The following VARS2 variants were observed in gnomAD, a reference collection of about 807,000 sequenced individuals.
The protein encoded by VARS2 is valine--tRNA ligase, mitochondrial.
Under a neutral mutation model 154.1 loss-of-function variants are expected in VARS2, and 105 were observed. The ratio of observed to expected loss-of-function variants is 0.68; its 90% CI spans 0.58 to 0.80. The LOEUF is 0.80. Ranked by LOEUF, VARS2 falls within the 30% of genes least tolerant of loss-of-function variation. The pLI is 0.00. For synonymous variants in VARS2, 483 were observed against 539.5 expected (o/e 0.90, Z 1.45); for missense variants, 1,157 against 1,361.4 (o/e 0.85, Z 2.36).
rs576203669 is a variant in VARS2, at chr6:30,920,254, C to T, written c.1293+38C>T. On this transcript the variant is annotated intron_variant, in intron 13 of 29. Transcript: ENST00000676266. This position sits in a 1 kb window ranked among gnomAD's most constrained non-coding sequence, Gnocchi z 4.6. ...TATGTTACCCCATCCTTTGGGGGCT[C>T]TCTGTCCCCCTAATCCTCCTCCTAG... 6.4e-7 allele frequency: 1 copy of T among 1,560,778 alleles called. No individual in the cohort carries two copies. The highest frequency in any genetic ancestry group is 8.7e-7 in the Non-Finnish European group (1 of 1,153,674).
At position 30,921,487 on chromosome 6, in the gene VARS2, A is replaced by T; in HGVS notation, c.1633-102A>T. The T allele has an allele frequency of 6.9e-7, 1 of 1,456,122 alleles. No individual in the cohort carries two copies. Among genetic ancestry groups the T allele is most frequent in the South Asian group, 1.2e-5 (1 of 82,248 alleles). The allele number at this position is 1,456,122 out of a possible 1,614,324, so 90.2% of individuals were successfully genotyped here. On this transcript the variant is annotated intron_variant, in intron 17 of 29. Coordinates refer to ENST00000676266, the MANE Select transcript of VARS2 (RefSeq NM_020442.6). This position sits in a 1 kb window ranked among gnomAD's most constrained non-coding sequence, Gnocchi z 4.6. ...ATTTCTTTATCTCACCCCTGGGGGA[A>T]CCTGGCCACTCTAAGACCACATGAG...
At position 30,920,270 on chromosome 6, in the gene VARS2, C is replaced by T; in HGVS notation, c.1293+54C>T. 6.4e-7 allele frequency: 1 copy of T among 1,567,600 alleles called. No homozygotes were observed. The highest frequency in any genetic ancestry group is 1.2e-5 in the South Asian group (1 of 82,638). Reference sequence around the variant, plus strand: ...TTGGGGGCTCTCTGTCCCCCTAATCCTCCTCCTAGTTTCTTATTTCTCTAG... The same window carrying T: ...TTGGGGGCTCTCTGTCCCCCTAATCTTCCTCCTAGTTTCTTATTTCTCTAG... On this transcript the variant is annotated intron_variant, in intron 13 of 29. Transcript: ENST00000676266. The surrounding 1 kb of genome is among the most constrained non-coding windows in gnomAD (Gnocchi z 4.6).
At chr6:30,915,589 C>T (rs1013269370) in intron 4 of VARS2, 134 bp downstream of exon 4, 26 of 1,444,690 alleles carry the variant, frequency 1.8e-5, no homozygotes, top group Non-Finnish European at 2.0e-5. Context: ...AAAGATTTCT[C>T]TTGGCAGGTT....
In VARS2 at chr6:30,922,700, C is replaced by T. The variant is rs1419590500; in HGVS notation, c.2038-6C>T. 1.2e-6 allele frequency: 2 copies of T among 1,611,752 alleles called. No individual in the cohort carries two copies. The highest frequency in any genetic ancestry group is 2.2e-5 in the East Asian group (1 of 44,886). ...TGGGTCGTGAATTGCCCCCTTCCAT[C>T]CCCAGGTGCTGCAGGAAAAGCTGAG... On this transcript the variant is annotated splice_polypyrimidine_tract_variant and splice_region_variant and intron_variant, in intron 21 of 29. Coordinates refer to ENST00000676266, the MANE Select transcript of VARS2 (RefSeq NM_020442.6).
rs1015428201 is a variant in VARS2, at chr6:30,916,361, C to A, written c.671+112C>A. The A allele has an allele frequency of 1.9e-4, 175 of 915,328 alleles. No individual in the cohort carries two copies. The highest frequency in any genetic ancestry group is 3.5e-4 in the Admixed American group (12 of 34,028). 56.7% of individuals were successfully genotyped at this position (915,328 alleles called of 1,614,324 possible). ...TTGGCTCTTCCCGACACAGCTCTGA[C>A]TTCCTCAGAGATGGAAGCTCTGGAG... On this transcript the variant is annotated intron_variant, in intron 7 of 29. Coordinates refer to ENST00000676266, the MANE Select transcript of VARS2 (RefSeq NM_020442.6). The surrounding 1 kb of genome is among the most constrained non-coding windows in gnomAD (Gnocchi z 4.0).
In VARS2 at chr6:30,922,885, C is replaced by T. The variant is rs540390854; in HGVS notation, c.2107-13C>T. The T allele has an allele frequency of 6.1e-5, 97 of 1,595,910 alleles. No homozygotes were observed. In the African/African-American group the frequency reaches 1.3e-3, roughly 21 times the overall value. On this transcript the variant is annotated splice_polypyrimidine_tract_variant and intron_variant, in intron 22 of 29. Coordinates refer to ENST00000676266, the MANE Select transcript of VARS2 (RefSeq NM_020442.6). ...AAAGGCATCTGCCACCCTTCTTCTT[C>T]CTCTGGTTGCAGAAAAAGGACTTTC...
intron 25 of VARS2, 103 bp downstream of exon 25, chr6:30,923,608 C>G (rs1794672539): frequency 1.3e-6 from 2 of 1,491,466 alleles, no homozygotes; most frequent in Non-Finnish European, 1.8e-6. Context: ...CCCAATTGTC[C>G]CCTCAGTTAG....
chr6:30,917,193 G>A lies in VARS2; in HGVS notation c.842G>A (p.Cys281Tyr), dbSNP rs772249772. 3.7e-6 allele frequency: 6 copies of A among 1,614,082 alleles called. No homozygotes were observed. The Admixed American group carries it at 8.3e-5, about 22-fold the overall frequency. Residue 281 changes from cysteine to tyrosine, a missense_variant, in exon 9 of 30, where the codon TGT becomes TAT. Physicochemically the swap from Cys to Tyr is radical, Grantham distance 194. Coordinates refer to ENST00000676266, the MANE Select transcript of VARS2 (RefSeq NM_020442.6). This position sits in a 1 kb window ranked among gnomAD's most constrained non-coding sequence, Gnocchi z 4.4. Reference sequence around the variant, plus strand: ...AACCATCAGCTTGTCAACTGGTCATGTGCTTTAAGATCAGCCATCTCGGAC... The same window carrying A: ...AACCATCAGCTTGTCAACTGGTCATATGCTTTAAGATCAGCCATCTCGGAC... ...YRNHQLVNWS[C>Y]ALRSAISDIE...
Position 30,924,577 on chromosome 6 carries a change from T to G in VARS2, c.2673+17T>G. 6.9e-7 allele frequency: 1 copy of G among 1,448,184 alleles called. No individual in the cohort carries two copies. The highest frequency in any genetic ancestry group is 9.3e-7 in the Non-Finnish European group (1 of 1,070,926). 89.7% of individuals were successfully genotyped at this position (1,448,184 alleles called of 1,614,324 possible). On this transcript the variant is annotated intron_variant, in intron 26 of 29. Transcript: ENST00000676266. ...TGCAGCTTGGTGAGTCCCAAGCACC[T>G]TGGAGTGGGTCTGTGGGTGAATGGG... is the stretch of plus-strand genomic sequence containing the variant.
chr6:30,922,088 G>A (rs1242574593), intron 19 of VARS2, 28 bp from the exon 20 acceptor site: 2 of 1,612,416 alleles, frequency 1.2e-6, no homozygotes, highest in Non-Finnish European at 1.7e-6. Context: ...CTGGGGCCTG[G>A]GCCTCTTACT....
At chr6:30,922,673 C>G in intron 21 of VARS2, 33 bp from the exon 22 acceptor site, 1 of 1,603,694 alleles carries the variant, frequency 6.2e-7, no homozygotes, top group Non-Finnish European at 8.5e-7. Context: ...GGGCCTTCGA[C>G]CTGGGTCGTG....
In VARS2 at chr6:30,922,792, G is replaced by A. The variant is rs753726; in HGVS notation, c.2106+18G>A. On this transcript the variant is annotated intron_variant, in intron 22 of 29. Coordinates refer to ENST00000676266, the MANE Select transcript of VARS2 (RefSeq NM_020442.6). ...CAGCACAGGTGAGTCATCGCTGCCTGCCCCCCACCAGCTCTAGCTCACCAC... is the reference window on the plus strand; with the variant it reads ...CAGCACAGGTGAGTCATCGCTGCCTACCCCCCACCAGCTCTAGCTCACCAC... 3.8e-5 allele frequency: 61 copies of A among 1,598,362 alleles called. No individual in the cohort carries two copies. The highest frequency in any genetic ancestry group is 1.7e-4 in the Middle Eastern group (1 of 6,042).
chr6:30,925,898 A>C lies in VARS2; in HGVS notation c.2980A>C (p.Ile994Leu). The C allele has an allele frequency of 6.2e-7, 1 of 1,612,950 alleles. No homozygotes were observed. The highest frequency in any genetic ancestry group is 8.5e-7 in the Non-Finnish European group (1 of 1,180,032). ...MELQGLVDPQ[I>L]QLPLLAARRY... ...TCCCCAGGGCCTGGTGGACCCGCAG[A>C]TCCAGCTACCTCTGTTAGCCGCCCG... The change falls in exon 29 of 30, where the codon ATC (isoleucine) becomes CTC (leucine). Residue 994 changes from isoleucine (I) to leucine (L), a missense_variant. Physicochemically the swap from Ile to Leu is conservative, Grantham distance 5. Transcript: ENST00000676266.
At position 30,915,181 on chromosome 6, in the gene VARS2, G is replaced by A. The variant is rs1794073139; in HGVS notation, c.227G>A (p.Trp76Ter). Residue 76 changes from tryptophan to a stop codon, truncating the protein, a stop_gained, in exon 3 of 30, where the codon TGG (tryptophan) becomes TAG (stop). Coordinates refer to ENST00000676266, the MANE Select transcript of VARS2 (RefSeq NM_020442.6). LOFTEE classifies it high-confidence loss of function. ...SKSPAESIKA[W>*]RPKELVLYEI... ...TCACCTGCAGAATCCATTAAGGCCT[G>A]GAGGCCTAAGGAGTTAGTATTGTAT... 1.9e-6 allele frequency: 3 copies of A among 1,614,170 alleles called. No homozygotes were observed. Among genetic ancestry groups the A allele is most frequent in the Non-Finnish European group, 1.7e-6 (2 of 1,179,986 alleles).
In VARS2 at chr6:30,917,336, T is replaced by G; in HGVS notation, c.873+112T>G. The G allele has an allele frequency of 2.6e-6, 4 of 1,540,338 alleles. 1 individual carries two copies. In the Middle Eastern group the frequency reaches 7.3e-4, roughly 281 times the overall value. On this transcript the variant is annotated intron_variant, in intron 9 of 29. Transcript: ENST00000676266. The surrounding 1 kb of genome is among the most constrained non-coding windows in gnomAD (Gnocchi z 4.4). ...CCTGGATTCAAATCTGATGCCTGCC[T>G]GTTACAGCTGTGTGGCTTTTGGCAG...
chr6:30,915,720 C>T, intron 4 of VARS2, 26 bp from the exon 5 acceptor site: 3 of 1,612,182 alleles, frequency 1.9e-6, no homozygotes, highest in Non-Finnish European at 2.5e-6. Flanking sequence ...TCTCTCTTGC[C>T]CCTTTGACTT....
intron 29 of VARS2, 41 bp from the exon 30 acceptor site, chr6:30,926,068 G>T: frequency 5.0e-6 from 8 of 1,612,960 alleles, no homozygotes; most frequent in Non-Finnish European, 6.8e-6. Flanking sequence ...GCCAGGAGGG[G>T]CCTCATTCCT....
Position 30,917,058 on chromosome 6 carries a change from A to T in VARS2, c.754-47A>T, listed in dbSNP as rs763363881. 1.6e-5 allele frequency: 26 copies of T among 1,613,940 alleles called. No homozygotes were observed. The highest frequency in any genetic ancestry group is 5.0e-5 in the Admixed American group (3 of 59,990). On this transcript the variant is annotated intron_variant, in intron 8 of 29. Transcript: ENST00000676266. This position sits in a 1 kb window ranked among gnomAD's most constrained non-coding sequence, Gnocchi z 4.4. ...AATGCCTGGGTCCCTGAGCAGGGTG[A>T]TGGGCTGAGAAGTGGCTCTTAGAGG...
In VARS2 at chr6:30,917,084, T is replaced by C; in HGVS notation, c.754-21T>C. On this transcript the variant is annotated intron_variant, in intron 8 of 29. Transcript: ENST00000676266. This position sits in a 1 kb window ranked among gnomAD's most constrained non-coding sequence, Gnocchi z 4.4. ...TGGGCTGAGAAGTGGCTCTTAGAGG[T>C]GGACACTCAGGTCATTCCAGGGCTC... The C allele has an allele frequency of 6.2e-7, 1 of 1,613,976 alleles. No homozygotes were observed.
Sources: allele counts gnomAD v4.1 joint callset, GRCh38; gene constraint gnomAD v4.1.1; non-coding constraint Gnocchi (gnomAD v3.1); transcripts MANE v1.5; gene names NCBI Gene and HGNC (gene_info 2026-07-23, HGNC 2026-07-21).